DZIP3: variants seen among roughly 807,000 people sequenced by gnomAD.
The protein encoded by DZIP3 is E3 ubiquitin-protein ligase DZIP3.
In DZIP3, 118 loss-of-function variants were observed where a neutral mutation model predicts 162.0. That is an observed-to-expected ratio of 0.73 (90% confidence interval 0.63 to 0.85). The LOEUF is 0.85. Ranked by LOEUF, DZIP3 falls within the 40% of genes least tolerant of loss-of-function variation. DZIP3 has a pLI of 0.00. For missense variants in DZIP3, 1,331 were observed against 1,407.0 expected (o/e 0.95, Z 0.86); for synonymous variants, 438 against 458.6 (o/e 0.96, Z 0.57).
chr3:108,611,403 T>A, intron 4 of DZIP3, 74 bp downstream of exon 4: 1 of 1,552,142 alleles, frequency 6.4e-7, no homozygotes, highest in South Asian at 1.2e-5. Context: ...AAATTCTTTT[T>A]AAACCACACA....
intron 5 of DZIP3, 33 bp from the exon 6 acceptor site, chr3:108,624,411 A>G (rs375057588): frequency 5.5e-6 from 7 of 1,270,824 alleles, no homozygotes; most frequent in Non-Finnish European, 8.0e-6. Context: ...AGCTTAGTCT[A>G]AATAACCAAT....
At chr3:108,692,609 T>C (rs1050114635) in intron 32 of DZIP3, among the ~76,000 whole-genome samples, 1 of 152,150 alleles carries the variant, frequency 6.6e-6, no homozygotes, top group African/African-American at 2.4e-5. Context: ...AGATAAACAG[T>C]AAAAGTTTCC....
In DZIP3 at chr3:108,661,892, GTAAC is replaced by G. The variant is rs1286124323; in HGVS notation, c.2218_2221del (p.Thr740GlnfsTer31). On this transcript the variant is annotated frameshift_variant, in exon 20 of 33. Coordinates refer to ENST00000361582, the MANE Select transcript of DZIP3 (RefSeq NM_014648.4). LOFTEE classifies it high-confidence loss of function. ...TGCTCAATAGGGCTCAGCTGGCAAAGTAACTACAGACTATGGAGAAACTGAAAAG... is the reference window on the plus strand; with the variant it reads ...TGCTCAATAGGGCTCAGCTGGCAAAGTACAGACTATGGAGAAACTGAAAAG... The G allele has an allele frequency of 6.0e-5, 97 of 1,613,674 alleles. No individual in the cohort carries two copies. The highest frequency in any genetic ancestry group is 8.2e-5 in the Non-Finnish European group (97 of 1,179,802).
intron 8 of DZIP3, among the ~76,000 whole-genome samples, chr3:108,629,747 T>TA (rs1467016027): frequency 6.6e-6 from 1 of 151,798 alleles, no homozygotes; most frequent in Non-Finnish European, 1.5e-5. Flanking sequence ...ATTAGACTAT[T>TA]ATACAATGCG....
At chr3:108,643,391 T>G (rs1942481641) in intron 13 of DZIP3, among the ~76,000 whole-genome samples, 1 of 152,044 alleles carries the variant, frequency 6.6e-6, no homozygotes, top group Admixed American at 6.6e-5. Flanking sequence ...AAGATGAGGT[T>G]TATTAGATCA....
intron 19 of DZIP3, among the ~76,000 whole-genome samples, chr3:108,658,188 T>A (rs1434496096): frequency 6.6e-6 from 1 of 152,144 alleles, no homozygotes. Context: ...AGAATATACA[T>A]TTTTCTCAGC....
chr3:108,594,691 G>A (rs150121707), intron 1 of DZIP3, among the ~76,000 whole-genome samples: 1 of 151,778 alleles, frequency 6.6e-6, no homozygotes, highest in Non-Finnish European at 1.5e-5. Flanking sequence ...AAGAATATGC[G>A]GTATTTGATT....
chr3:108,686,902 C>T (rs1376020559), intron 28 of DZIP3, among the ~76,000 whole-genome samples: 1 of 152,076 alleles, frequency 6.6e-6, no homozygotes, highest in Non-Finnish European at 1.5e-5. Flanking sequence ...TTATCTTAAC[C>T]TATCTCCAAA....
At chr3:108,632,452 A>G (rs1348661835) in intron 8 of DZIP3, among the ~76,000 whole-genome samples, 1 of 152,186 alleles carries the variant, frequency 6.6e-6, no homozygotes, top group African/African-American at 2.4e-5. Flanking sequence ...ATTTGTAACT[A>G]AAGACATTGA....
chr3:108,677,412 T>C, intron 25 of DZIP3, 85 bp from the exon 26 acceptor site: 1 of 1,108,282 alleles, frequency 9.0e-7, no homozygotes, highest in South Asian at 1.3e-5. Flanking sequence ...TATGTTGTAT[T>C]ATTCAAAACT....
rs1943003648 is a variant in DZIP3, at chr3:108,654,152, G to A, written c.2041G>A (p.Val681Met). ...KDSKEDQVPY[V>M]VEKEEQLRKE... ...ATTATGTCACGACTACAGCCCATAT[G>A]TGGTAGAAAAGGAAGAGCAGTTGAG... The change falls in exon 19 of 33, where the codon GTG becomes ATG. Residue 681 changes from valine to methionine, a missense_variant. Physicochemically the swap from Val to Met is conservative, Grantham distance 21 (BLOSUM62 1). Transcript: ENST00000361582. The A allele has an allele frequency of 6.2e-7, 1 of 1,613,040 alleles. No homozygotes were observed. Among genetic ancestry groups the A allele is most frequent in the Non-Finnish European group, 8.5e-7 (1 of 1,179,520 alleles).
intron 1 of DZIP3, chr3:108,603,331 TC>T (rs1559718285): frequency 6.6e-6 from 1 of 152,210 alleles, no homozygotes; most frequent in Non-Finnish European, 1.5e-5. Context: ...TCTAAAATCC[TC>T]AGTTATGTCT....
chr3:108,612,745 C>G (rs1940787509), intron 4 of DZIP3, among the ~76,000 whole-genome samples: 2 of 151,984 alleles, frequency 1.3e-5, no homozygotes, highest in South Asian at 4.2e-4. Flanking sequence ...ACTGTATTGT[C>G]TTTTCAATTT....
At chr3:108,640,749 ATC>A (rs1402921163) in intron 12 of DZIP3, among the ~76,000 whole-genome samples, 1 of 151,904 alleles carries the variant, frequency 6.6e-6, no homozygotes, top group Non-Finnish European at 1.5e-5. Flanking sequence ...CGGCCTTAAC[ATC>A]TCTTTTTAAC....
chr3:108,682,357 A>G (rs1318283487), intron 26 of DZIP3, among the ~76,000 whole-genome samples: 1 of 151,136 alleles, frequency 6.6e-6, no homozygotes, highest in Non-Finnish European at 1.5e-5. Context: ...ACCATTGCTA[A>G]GATATGTCAT....
At chr3:108,656,298 TC>T (rs1335116935) in intron 19 of DZIP3, among the ~76,000 whole-genome samples, 1 of 152,040 alleles carries the variant, frequency 6.6e-6, no homozygotes, top group Non-Finnish European at 1.5e-5. Flanking sequence ...AGGCAAAACT[TC>T]CAGAGGAACG....
chr3:108,676,071 T>C (rs1329241990), intron 25 of DZIP3, among the ~76,000 whole-genome samples, 198 bp downstream of exon 25: 2 of 152,076 alleles, frequency 1.3e-5, no homozygotes, highest in African/African-American at 4.8e-5. Flanking sequence ...GTCTTTTATA[T>C]CCTTAGTCAA....
chr3:108,687,177 A>G (rs1426371194), intron 28 of DZIP3, among the ~76,000 whole-genome samples: 2 of 152,090 alleles, frequency 1.3e-5, no homozygotes, highest in Non-Finnish European at 1.5e-5. Flanking sequence ...TTATTTCAAT[A>G]CAAACATTTA....
chr3:108,654,124 T>C (rs781315712), intron 18 of DZIP3, 21 bp from the exon 19 acceptor site: 35 of 1,608,922 alleles, frequency 2.2e-5, no homozygotes, highest in African/African-American at 6.7e-5. Flanking sequence ...AAAGCTCACA[T>C]TGATTATGTC....
Sources: allele counts gnomAD v4.1 joint callset (sites outside exome capture counted in the v4.1 genomes callset), GRCh38; gene constraint gnomAD v4.1.1; transcripts MANE v1.5; gene names NCBI Gene and HGNC (gene_info 2026-07-23, HGNC 2026-07-21).